CFAP70: variants seen among roughly 807,000 people sequenced by gnomAD.
CFAP70 encodes the protein cilia and flagella associated protein 70.
A neutral mutation model predicts 137.6 loss-of-function variants in CFAP70; 81 were observed. The ratio of observed to expected loss-of-function variants is 0.59; its 90% CI spans 0.49 to 0.71. The LOEUF (loss-of-function observed/expected upper bound fraction) is 0.71, where lower values mean the gene tolerates loss of function less well. Among genes scored for constraint, CFAP70 ranks in the 30% least tolerant of loss-of-function variants. CFAP70 has a pLI of 0.00. For missense variants in CFAP70, 976 were observed against 1,226.7 expected (o/e 0.80, Z 3.05); for synonymous variants, 382 against 423.6 (o/e 0.90, Z 1.20).
chr10:73,340,604 G>A (rs1277796341), intron 6 of CFAP70, among the ~76,000 whole-genome samples: 6 of 152,194 alleles, frequency 3.9e-5, no homozygotes, highest in Admixed American at 2.6e-4. Flanking sequence ...ATGCTGAGGG[G>A]TGCCTGCAAG....
chr10:73,255,169 C>T (rs369927046), intron 26 of CFAP70, among the ~76,000 whole-genome samples: 4 of 152,002 alleles, frequency 2.6e-5, no homozygotes, highest in Admixed American at 6.6e-5. Context: ...GAGGCCGAGG[C>T]GGGGGGATCA....
At chr10:73,291,264 T>C in exon 19 of CFAP70, 2 of 1,614,188 alleles carry the variant, frequency 1.2e-6, no homozygotes, top group African/African-American at 1.3e-5. Context: ...TGCAGAACCA[T>C]TTGTGATTCC....
chr10:73,277,911 A>G (rs1441817146), intron 20 of CFAP70, among the ~76,000 whole-genome samples: 1 of 152,224 alleles, frequency 6.6e-6, no homozygotes, highest in African/African-American at 2.4e-5. Context: ...TTAAAAAGGT[A>G]TTCAGATCTT....
At position 73,291,230 on chromosome 10, in the gene CFAP70, TG is replaced by T; in HGVS notation, c.2234del (p.Pro745GlnfsTer11). 2.5e-6 allele frequency: 4 copies of T among 1,614,076 alleles called. No homozygotes were observed. Among genetic ancestry groups the T allele is most frequent in the Non-Finnish European group, 3.4e-6 (4 of 1,179,960 alleles). The stretch of plus-strand genomic sequence containing the variant: ...ACCTCTATTCCCTGGCTCTACCTGC[TG>T]GGGCTTCCACCTTGATTGCTGTTGC... On this transcript the variant is annotated frameshift_variant, in exon 19 of 27. Coordinates refer to ENST00000310715, the Ensembl canonical transcript of CFAP70. LOFTEE classifies it high-confidence loss of function.
At chr10:73,343,165 G>A (rs113860597) in intron 5 of CFAP70, among the ~76,000 whole-genome samples, 161 of 145,402 alleles carry the variant, frequency 1.1e-3, no homozygotes, top group African/African-American at 4.0e-3. Flanking sequence ...TGCCGAGATC[G>A]CACCACTGCA....
chr10:73,277,342 A>T, exon 21 of CFAP70: 1 of 1,613,858 alleles, frequency 6.2e-7, no homozygotes. Context: ...GAGCTGATGA[A>T]TCTTGACATT....
At chr10:73,361,491 T>C (rs971472170), upstream of CFAP70, among the ~76,000 whole-genome samples, 14 of 152,030 alleles carry the variant, frequency 9.2e-5, no homozygotes, top group Non-Finnish European at 2.1e-4. Flanking sequence ...AAAGGCATTC[T>C]TTTTGACTGA....
intron 4 of CFAP70, among the ~76,000 whole-genome samples, chr10:73,346,099 A>G (rs1329259055): frequency 1.3e-5 from 2 of 151,346 alleles, no homozygotes; most frequent in Non-Finnish European, 1.5e-5. Flanking sequence ...GGGTTTCAAC[A>G]TATTGGCCAG....
At chr10:73,310,043 A>G (rs1434671060) in intron 12 of CFAP70, 115 bp downstream of exon 13, 1 of 601,572 alleles carries the variant, frequency 1.7e-6, no homozygotes, top group Non-Finnish European at 2.8e-6. Flanking sequence ...CATCTAGAAA[A>G]AAACCAGATA....
exon 13 of CFAP70, chr10:73,299,654 A>T (rs776639143): frequency 1.2e-6 from 2 of 1,612,902 alleles, no homozygotes; most frequent in Non-Finnish European, 1.7e-6. Flanking sequence ...TGGAGGAATC[A>T]TTTCCTTGAC....
chr10:73,298,897 A>T lies in CFAP70; in HGVS notation c.1512+10T>A. The T allele has an allele frequency of 6.2e-7, 1 of 1,612,800 alleles. No homozygotes were observed. Among genetic ancestry groups the T allele is most frequent in the Non-Finnish European group, 8.5e-7 (1 of 1,179,284 alleles). On this transcript the variant is annotated intron_variant, in intron 14 of 26. Transcript: ENST00000310715. ...CACCCATGGAGTAATTAAACAAGTG[A>T]ATGTTTTACCTTGAGTTGTTCTTTG...
chr10:73,295,368 G>GAA (rs2048466990), intron 15 of CFAP70: 2 of 130,914 alleles, frequency 1.5e-5, no homozygotes, highest in Non-Finnish European at 3.1e-5. Flanking sequence ...AGGAAGGAAG[G>GAA]GAGGAAGGGA....
At chr10:73,340,227 C>T (rs1488114725) in intron 6 of CFAP70, among the ~76,000 whole-genome samples, 1 of 152,062 alleles carries the variant, frequency 6.6e-6, no homozygotes, top group East Asian at 1.9e-4. Context: ...ACAGGATACC[C>T]ACAGTGGGTA....
At chr10:73,253,796 C>G in exon 27 of CFAP70, 1 of 482,000 alleles carries the variant, frequency 2.1e-6, no homozygotes. Context: ...TTTATTGTGA[C>G]CCAGTTTCTC....
At chr10:73,341,003 C>T (rs945368503) in intron 6 of CFAP70, among the ~76,000 whole-genome samples, 7 of 152,298 alleles carry the variant, frequency 4.6e-5, no homozygotes, top group African/African-American at 1.7e-4. Context: ...TCCCCCACTG[C>T]AGCCAGCATC....
At chr10:73,306,100 G>A (rs528143790) in intron 12 of CFAP70, among the ~76,000 whole-genome samples, 49 of 151,988 alleles carry the variant, frequency 3.2e-4, no homozygotes, top group Middle Eastern at 6.8e-3. Context: ...AGAAAGAATC[G>A]GCAAAACTGA....
intron 7 of CFAP70, among the ~76,000 whole-genome samples, chr10:73,332,645 C>T (rs1009379050): frequency 2.0e-5 from 3 of 152,120 alleles, no homozygotes; most frequent in Admixed American, 1.3e-4. Flanking sequence ...CAATGAATTA[C>T]AACTGAGAGG....
chr10:73,349,117 A>C (rs1300024580), intron 3 of CFAP70, among the ~76,000 whole-genome samples: 4 of 152,068 alleles, frequency 2.6e-5, no homozygotes, highest in Non-Finnish European at 5.9e-5. Context: ...GCTTCATATA[A>C]TATTAATCTT....
rs71711723 is a variant in CFAP70 at position 73,316,479 on chromosome 10, TAG to T, written c.913-3838_913-3837del. On this transcript the variant is annotated intron_variant, in intron 9 of 26. Transcript: ENST00000310715. Reference sequence around the variant, plus strand: ...CTTTGTTGAGATATATATATATATATAGATATAGATATATATATATATATATA... The same window carrying T: ...CTTTGTTGAGATATATATATATATATATATAGATATATATATATATATATA... Among the ~76,000 whole-genome samples, 792 of 112,770 alleles carry T rather than the reference TAG, an allele frequency of 7.0e-3. 10 individuals carry two copies. Among genetic ancestry groups the T allele is most frequent in the African/African-American group, 0.023 (641 of 27,510 alleles). 74.0% of individuals were successfully genotyped at this position (112,770 alleles called of 152,430 possible). A position where few individuals can be genotyped will look rare whatever the true frequency, so the allele number is the denominator to read the frequency against.
Sources: gnomAD v4.1 joint callset for allele counts (sites outside exome capture counted in the v4.1 genomes callset) on GRCh38, gnomAD v4.1.1 for gene constraint, MANE v1.5 for transcripts, NCBI Gene and HGNC (gene_info 2026-07-23, HGNC 2026-07-21) for gene names.